HACD3: variants seen among roughly 807,000 people sequenced by gnomAD.
HACD3 encodes very-long-chain (3R)-3-hydroxyacyl-CoA dehydratase 3.
HACD3 carries 30 observed loss-of-function variants against 55.2 expected under a neutral mutation model. The ratio of observed to expected loss-of-function variants is 0.54; its 90% CI spans 0.41 to 0.74. The LOEUF (loss-of-function observed/expected upper bound fraction) is 0.74. HACD3 is among the 30% of genes least tolerant of loss of function. The probability of loss-of-function intolerance (pLI) is 0.00; values close to 1 mark genes in which losing one functional copy is unlikely to be tolerated. For synonymous variants in HACD3, 141 were observed against 151.7 expected, an observed-to-expected ratio of 0.93 and a Z score of 0.52; for missense variants, 363 against 440.1, an observed-to-expected ratio of 0.82 and a Z score of 1.57.
chr15:65,542,623 T>C (rs1309481608), intron 1 of HACD3, among the ~76,000 whole-genome samples: 1 of 152,084 alleles, frequency 6.6e-6, no homozygotes, highest in Non-Finnish European at 1.5e-5. Flanking sequence ...ATACAGAGAA[T>C]AGATAAACCA....
intron 1 of HACD3, among the ~76,000 whole-genome samples, chr15:65,538,947 CTG>C (rs1328876979): frequency 2.6e-5 from 4 of 152,144 alleles, no homozygotes; most frequent in Non-Finnish European, 5.9e-5. Context: ...GGTATGTACA[CTG>C]TTTTTTAGAA....
At chr15:65,546,643 G>A (rs2072080033) in intron 1 of HACD3, among the ~76,000 whole-genome samples, 1 of 152,124 alleles carries the variant, frequency 6.6e-6, no homozygotes, top group African/African-American at 2.4e-5. Flanking sequence ...CACCCAGGCT[G>A]GAGTCCAGGC....
At chr15:65,541,625 G>A (rs1206792874) in intron 1 of HACD3, among the ~76,000 whole-genome samples, 1 of 152,176 alleles carries the variant, frequency 6.6e-6, no homozygotes, top group Non-Finnish European at 1.5e-5. Flanking sequence ...CTATGATTTG[G>A]TATTTTGTGG....
intron 1 of HACD3, among the ~76,000 whole-genome samples, chr15:65,544,907 G>A (rs2072058973): frequency 6.6e-6 from 1 of 151,942 alleles, no homozygotes; most frequent in Non-Finnish European, 1.5e-5. Flanking sequence ...TGTAATCCCA[G>A]CTGCTCGGGA....
intron 7 of HACD3, among the ~76,000 whole-genome samples, chr15:65,569,861 A>G (rs1244499310): frequency 2.0e-5 from 3 of 152,194 alleles, no homozygotes; most frequent in African/African-American, 7.2e-5. Flanking sequence ...ATGTGTCTGT[A>G]TTTTAAAGAA....
intron 10 of HACD3, among the ~76,000 whole-genome samples, chr15:65,575,658 A>C (rs2072393821): frequency 1.3e-5 from 2 of 152,232 alleles, no homozygotes; most frequent in South Asian, 4.1e-4. Flanking sequence ...GAAGTGCATA[A>C]AAAATGAGAT....
At chr15:65,544,131 T>C (rs1269474850) in intron 1 of HACD3, among the ~76,000 whole-genome samples, 2 of 151,950 alleles carry the variant, frequency 1.3e-5, no homozygotes, top group African/African-American at 4.8e-5. Context: ...GAGCCGAGAT[T>C]ACGCCACTGC....
In HACD3 at chr15:65,541,585, A is replaced by T. The variant is rs2072019622; in HGVS notation, c.88-10091A>T. Among the ~76,000 whole-genome samples the T allele has an allele frequency of 2.6e-5, 4 of 152,206 alleles. No individual in the cohort carries two copies. In the South Asian group the frequency reaches 8.3e-4, roughly 31 times the overall value. ...TCTAAGGAAGTGGGGTCCGCTATAG[A>T]TTGGATGTTGACAGAAAGCAGGGAC... On this transcript the variant is annotated intron_variant, in intron 1 of 10. Transcript: ENST00000261875.
At chr15:65,548,805 A>T (rs2072101880) in intron 1 of HACD3, among the ~76,000 whole-genome samples, 1 of 152,014 alleles carries the variant, frequency 6.6e-6, no homozygotes, top group Middle Eastern at 3.2e-3. Flanking sequence ...GGCTCAAGTG[A>T]TCTTCCTGCG....
chr15:65,573,338 T>G (rs1487720642), intron 10 of HACD3, among the ~76,000 whole-genome samples: 2 of 152,226 alleles, frequency 1.3e-5, no homozygotes, highest in Non-Finnish European at 2.9e-5. Flanking sequence ...CCAGGTATGG[T>G]GGTTCATGCC....
Position 65,577,981 on chromosome 15 carries a change from T to G in HACD3, c.*1602T>G, listed in dbSNP as rs1463736538. 1 of 152,614 alleles carries G rather than the reference T, an allele frequency of 6.6e-6. No individual in the cohort carries two copies. The highest frequency in any genetic ancestry group is 2.4e-5 in the African/African-American group (1 of 41,462). 9.5% of individuals were successfully genotyped at this position (152,614 alleles called of 1,614,324 possible). On this transcript the variant is annotated 3_prime_UTR_variant, in exon 11 of 11. Coordinates refer to ENST00000261875, the MANE Select transcript of HACD3 (RefSeq NM_016395.4). The stretch of plus-strand genomic sequence containing the variant: ...AAAAGAATTTAAGGAGTGATAGCTC[T>G]TTCTGTTCTGCCATTCCCAACATTC...
chr15:65,542,654 C>T (rs911933352), intron 1 of HACD3, among the ~76,000 whole-genome samples: 3 of 152,090 alleles, frequency 2.0e-5, no homozygotes, highest in East Asian at 1.9e-4. Flanking sequence ...AAATGGTTAC[C>T]GGTATGTGGG....
chr15:65,574,473 G>A (rs996672808), intron 10 of HACD3: 6 of 152,218 alleles, frequency 3.9e-5, no homozygotes, highest in Non-Finnish European at 8.8e-5. Context: ...ACAAAGGTAT[G>A]AAATAACAGG....
chr15:65,573,288 T>C (rs746419483), intron 10 of HACD3, among the ~76,000 whole-genome samples: 2 of 151,988 alleles, frequency 1.3e-5, no homozygotes, highest in Admixed American at 6.6e-5. Flanking sequence ...ACTATAAGGA[T>C]TTTTTTTTGT....
intron 1 of HACD3, chr15:65,530,969 T>C (rs1326542060): frequency 4.2e-6 from 2 of 471,666 alleles, no homozygotes; most frequent in Non-Finnish European, 7.5e-6. Context: ...CCTCTCAGGC[T>C]ACCCCGGGCC....
At chr15:65,549,599 CAA>C (rs5813363) in intron 1 of HACD3, among the ~76,000 whole-genome samples, 7 of 42,466 alleles carry the variant, frequency 1.6e-4, no homozygotes, top group Middle Eastern at 0.01. Flanking sequence ...GATTCCATCT[CAA>C]AAAAAAAAAA....
chr15:65,539,819 A>G (rs1003842773), intron 1 of HACD3, among the ~76,000 whole-genome samples: 3 of 47,608 alleles, frequency 6.3e-5, no homozygotes, highest in African/African-American at 1.3e-4. Context: ...AAAGCTTAGA[A>G]ATATAATATC....
intron 1 of HACD3, among the ~76,000 whole-genome samples, chr15:65,535,025 C>G (rs149957185): frequency 2.0e-5 from 3 of 151,988 alleles, no homozygotes; most frequent in Non-Finnish European, 4.4e-5. Flanking sequence ...AGAGAATGAC[C>G]CATTCAGGAA....
At chr15:65,552,202 C>T (rs1183932594) in intron 2 of HACD3, among the ~76,000 whole-genome samples, 2 of 152,140 alleles carry the variant, frequency 1.3e-5, no homozygotes, top group Non-Finnish European at 2.9e-5. Flanking sequence ...GGCTCCACTG[C>T]AGCTGTGAAT....
Sources: allele counts gnomAD v4.1 joint callset (sites outside exome capture counted in the v4.1 genomes callset), GRCh38; gene constraint gnomAD v4.1.1; transcripts MANE v1.5; gene names NCBI Gene and HGNC (gene_info 2026-07-23, HGNC 2026-07-21).